Variants in PAK5 observed in about 807,000 individuals in gnomAD.
PAK5 encodes serine/threonine-protein kinase PAK 5.
Under a neutral mutation model 65.9 loss-of-function variants are expected in PAK5, and 16 were observed. The observed-to-expected ratio is 0.24, with a 90% CI of 0.16 to 0.37. The LOEUF (loss-of-function observed/expected upper bound fraction) is 0.37, where lower values mean the gene tolerates loss of function less well. Among genes scored for constraint, PAK5 ranks in the 10% least tolerant of loss-of-function variants. The probability of loss-of-function intolerance (pLI) is 1.00; values close to 1 mark genes in which losing one functional copy is unlikely to be tolerated. For missense variants in PAK5, 785 were observed against 903.9 expected (o/e 0.87, Z 1.69); for synonymous variants, 371 against 354.9 (o/e 1.05, Z -0.51).
intron 3 of PAK5, among the ~76,000 whole-genome samples, chr20:9,581,344 T>C (rs1820401478): frequency 6.6e-6 from 1 of 152,226 alleles, no homozygotes; most frequent in Admixed American, 6.5e-5. Flanking sequence ...AAATAATATT[T>C]ATTACTGTTT....
intron 1 of PAK5, among the ~76,000 whole-genome samples, chr20:9,735,548 G>A (rs1337761228): frequency 6.6e-6 from 1 of 152,090 alleles, no homozygotes; most frequent in African/African-American, 2.4e-5. Flanking sequence ...TACTCAGGAA[G>A]GTCTTGCCAA....
Position 9,587,806 on chromosome 20 carries a change from A to G in PAK5, c.205-6876T>C, listed in dbSNP as rs187415101. Among the ~76,000 whole-genome samples the G allele has an allele frequency of 3.6e-3, 548 of 152,274 alleles. 8 individuals carry two copies. Among genetic ancestry groups the G allele is most frequent in the Middle Eastern group, 0.017 (5 of 294 alleles). The stretch of plus-strand genomic sequence containing the variant: ...CTTCTACAATCAGGGTTACCTTTAT[A>G]ACAAAAAAGTTAGACTGAGGTATGC... On this transcript the variant is annotated intron_variant, in intron 3 of 9. Coordinates refer to ENST00000353224, the MANE Select transcript of PAK5 (RefSeq NM_177990.4).
rs141028625 is a variant in PAK5 at position 9,644,542 on chromosome 20, C to G, written c.-11-203G>C. Among the ~76,000 whole-genome samples the G allele has an allele frequency of 3.9e-4, 59 of 152,194 alleles. 1 individual carries two copies. The East Asian group carries it at 0.011, about 29-fold the overall frequency. On this transcript the variant is annotated intron_variant, in intron 2 of 9. Coordinates refer to ENST00000353224, the MANE Select transcript of PAK5 (RefSeq NM_177990.4). Reference sequence around the variant, plus strand: ...TTTTTTGTTCCCTCCTTAAACTTGCCATGTGGATGATAGTTCCCTGCCCCA... The same window carrying G: ...TTTTTTGTTCCCTCCTTAAACTTGCGATGTGGATGATAGTTCCCTGCCCCA...
chr20:9,661,098 C>A (rs2123332227), intron 2 of PAK5, among the ~76,000 whole-genome samples: 1 of 152,268 alleles, frequency 6.6e-6, no homozygotes, highest in South Asian at 2.1e-4. Flanking sequence ...AGGGCATCAG[C>A]TGCCACTGCA....
At chr20:9,692,465 G>A (rs1279138822) in intron 2 of PAK5, among the ~76,000 whole-genome samples, 2 of 151,962 alleles carry the variant, frequency 1.3e-5, no homozygotes, top group African/African-American at 4.8e-5. Flanking sequence ...ATTTCAACTG[G>A]CAGTTAGGTT....
At chr20:9,832,690 A>AT (rs1234828804) in intron 1 of PAK5, among the ~76,000 whole-genome samples, 11 of 152,146 alleles carry the variant, frequency 7.2e-5, no homozygotes, top group Non-Finnish European at 1.2e-4. Flanking sequence ...TATTAAGTTT[A>AT]TTTTTTGTAT....
chr20:9,668,196 T>C (rs1175062928), intron 2 of PAK5, among the ~76,000 whole-genome samples: 1 of 152,184 alleles, frequency 6.6e-6, no homozygotes, highest in Non-Finnish European at 1.5e-5. Flanking sequence ...CAATAGCACA[T>C]GTACTCCTAA....
chr20:9,561,334 C>T (rs1432570827), intron 6 of PAK5, among the ~76,000 whole-genome samples: 1 of 152,064 alleles, frequency 6.6e-6, no homozygotes, highest in Non-Finnish European at 1.5e-5. Flanking sequence ...TGGAAGGCAA[C>T]AAAAAGGTTT....
chr20:9,820,432 ACTC>A (rs1041501522), intron 1 of PAK5, among the ~76,000 whole-genome samples: 1 of 151,962 alleles, frequency 6.6e-6, no homozygotes, highest in African/African-American at 2.4e-5. Context: ...TCATTGATCT[ACTC>A]CTCACCTCCT....
intron 3 of PAK5, among the ~76,000 whole-genome samples, chr20:9,621,007 A>G (rs1189311523): frequency 5.9e-5 from 9 of 152,048 alleles, no homozygotes; most frequent in Admixed American, 1.3e-4. Flanking sequence ...AGAACAGATT[A>G]AACTCTTACC....
rs1246844808 is a variant in PAK5 at position 9,838,305 on chromosome 20, C to T, written c.-162+457G>A. Reference sequence around the variant, plus strand: ...CACCTGCCAAAAGACAAAAACCATGCGGGAATCCTGCTCTGGCAATATGTC... The same window carrying T: ...CACCTGCCAAAAGACAAAAACCATGTGGGAATCCTGCTCTGGCAATATGTC... On this transcript the variant is annotated intron_variant, in intron 1 of 9. Coordinates refer to ENST00000353224, the MANE Select transcript of PAK5 (RefSeq NM_177990.4). The surrounding 1 kb of genome is among the most constrained non-coding windows in gnomAD (Gnocchi z 4.5). Among the ~76,000 whole-genome samples, 4 of 152,152 alleles carry T rather than the reference C, an allele frequency of 2.6e-5. No individual in the cohort carries two copies. Among genetic ancestry groups the T allele is most frequent in the African/African-American group, 9.7e-5 (4 of 41,438 alleles).
At chr20:9,587,687 T>C (rs570058995) in intron 3 of PAK5, among the ~76,000 whole-genome samples, 3 of 152,230 alleles carry the variant, frequency 2.0e-5, no homozygotes, top group Admixed American at 6.5e-5. Context: ...GGGTGGGGCC[T>C]GGGATGCTAG....
chr20:9,832,853 G>T (rs552312585), intron 1 of PAK5, among the ~76,000 whole-genome samples: 130 of 152,134 alleles, frequency 8.5e-4, no homozygotes, highest in African/African-American at 3.0e-3. Flanking sequence ...CAATTCTATT[G>T]GGGTGCTATT....
At chr20:9,825,211 T>C (rs562513083) in intron 1 of PAK5, among the ~76,000 whole-genome samples, 8 of 152,302 alleles carry the variant, frequency 5.3e-5, no homozygotes, top group African/African-American at 1.9e-4. Flanking sequence ...TAAAATAAAA[T>C]TGAGGTCTGA....
intron 2 of PAK5, among the ~76,000 whole-genome samples, chr20:9,682,675 C>A (rs2047666330): frequency 6.6e-6 from 1 of 152,188 alleles, no homozygotes; most frequent in Non-Finnish European, 1.5e-5. Flanking sequence ...GTGAACCCCA[C>A]AATCTGTGCC....
intron 3 of PAK5, among the ~76,000 whole-genome samples, chr20:9,607,118 A>C (rs1600132196): frequency 6.6e-6 from 1 of 152,188 alleles, no homozygotes; most frequent in East Asian, 1.9e-4. Context: ...GTAACGTTGG[A>C]GTTGAAAAGC....
At chr20:9,773,526 C>T (rs1395015006) in intron 1 of PAK5, among the ~76,000 whole-genome samples, 1 of 151,964 alleles carries the variant, frequency 6.6e-6, no homozygotes, top group African/African-American at 2.4e-5. Context: ...CTTCTTATAA[C>T]TAGTTCATAA....
intron 1 of PAK5, among the ~76,000 whole-genome samples, chr20:9,734,091 TC>T: frequency 6.6e-6 from 1 of 152,200 alleles, no homozygotes; most frequent in South Asian, 2.1e-4. Flanking sequence ...CTGTTAGATT[TC>T]CTGTGGTAAT....
chr20:9,763,860 A>G (rs184001981), intron 1 of PAK5, among the ~76,000 whole-genome samples: 11 of 152,276 alleles, frequency 7.2e-5, no homozygotes, highest in Admixed American at 5.2e-4. Context: ...ACATATAATT[A>G]CACATATACT....
Sources: allele counts gnomAD v4.1 joint callset (sites outside exome capture counted in the v4.1 genomes callset), GRCh38; gene constraint gnomAD v4.1.1; non-coding constraint Gnocchi (gnomAD v3.1); transcripts MANE v1.5; gene names NCBI Gene and HGNC (gene_info 2026-07-23, HGNC 2026-07-21).